Variants in PKP2 observed in about 807,000 individuals in gnomAD.
PKP2 encodes plakophilin-2.
PKP2 carries 73 observed loss-of-function variants against 83.4 expected under a neutral mutation model. The observed-to-expected ratio is 0.88, with a 90% CI of 0.72 to 1.06. The LOEUF (loss-of-function observed/expected upper bound fraction) is 1.06, where lower values mean the gene tolerates loss of function less well. Ranked by LOEUF, PKP2 falls within the 50% of genes least tolerant of loss-of-function variation. PKP2 has a pLI of 0.00. For missense variants in PKP2, 966 were observed against 1,065.4 expected (o/e 0.91, Z 1.30); for synonymous variants, 409 against 430.4 (o/e 0.95, Z 0.62).
intron 4 of PKP2, among the ~76,000 whole-genome samples, chr12:32,856,210 G>C (rs918488783): frequency 6.6e-6 from 1 of 152,116 alleles, no homozygotes; most frequent in Non-Finnish European, 1.5e-5. Context: ...ATGAAAATAA[G>C]ACCACGTTAA....
intron 5 of PKP2, among the ~76,000 whole-genome samples, chr12:32,842,639 T>C (rs111976398): frequency 0.04 from 6,096 of 152,304 alleles, 390 homozygotes; most frequent in African/African-American, 0.14. Flanking sequence ...CTTCCCTTTC[T>C]ACCCTATCCT....
chr12:32,850,938 C>T lies in PKP2; in HGVS notation c.1206G>A (p.Gln402=), dbSNP rs773905605. The change falls in exon 5 of 13, where the codon CAG becomes CAA. Residue 402 remains glutamine (Q), a synonymous_variant. Coordinates refer to ENST00000340811, the MANE Select transcript of PKP2 (RefSeq NM_001005242.3). The stretch of plus-strand genomic sequence containing the variant: ...CGTCTTCATTCTGAACTTTTAGGAG[C>T]TGCAGAAGCTTGAGGATGCCACGAA... ...NQLRGILKLL[Q]LLKVQNEDVQ... 1.5e-5 allele frequency: 24 copies of T among 1,614,118 alleles called. No homozygotes were observed. The South Asian group carries it at 2.6e-4, about 18-fold the overall frequency.
chr12:32,831,013 T>C (rs535845257), intron 6 of PKP2, among the ~76,000 whole-genome samples: 1 of 152,316 alleles, frequency 6.6e-6, no homozygotes, highest in East Asian at 1.9e-4. Flanking sequence ...TAGGCTACAT[T>C]AATTTCCTCT....
chr12:32,857,243 G>C (rs762559736), intron 4 of PKP2, among the ~76,000 whole-genome samples: 1 of 152,162 alleles, frequency 6.6e-6, no homozygotes, highest in Admixed American at 6.6e-5. Context: ...GGGCAATGCA[G>C]GGAGATCCCA....
chr12:32,859,452 C>CT (rs542294237), intron 4 of PKP2, among the ~76,000 whole-genome samples: 34 of 149,760 alleles, frequency 2.3e-4, no homozygotes, highest in Admixed American at 1.5e-3. Flanking sequence ...TTCTCAGTAA[C>CT]TTTTTTTTTT....
intron 9 of PKP2, among the ~76,000 whole-genome samples, chr12:32,814,820 G>A (rs1016901513): frequency 1.3e-5 from 2 of 152,034 alleles, no homozygotes; most frequent in African/African-American, 2.4e-5. Context: ...AGCTACTTGG[G>A]AGGCTGAGGT....
chr12:32,847,514 G>A (rs960263922), intron 5 of PKP2, among the ~76,000 whole-genome samples: 6 of 152,026 alleles, frequency 3.9e-5, no homozygotes, highest in Non-Finnish European at 8.8e-5. Context: ...GTGATTCAAT[G>A]GCTTGTTCCC....
At position 32,792,265 on chromosome 12, in the gene PKP2, C is replaced by G; in HGVS notation, c.*159G>C. On this transcript the variant is annotated 3_prime_UTR_variant, in exon 13 of 13. Transcript: ENST00000340811. ...ACTTGCAAAGGTCTTCTGGAAGACT[C>G]ATAAAATTATGTTCTATTTGTTTTC... is the stretch of plus-strand genomic sequence containing the variant. 1 of 695,768 alleles carries G rather than the reference C, an allele frequency of 1.4e-6. No individual in the cohort carries two copies. The highest frequency in any genetic ancestry group is 2.6e-6 in the Non-Finnish European group (1 of 380,928). 43.1% of individuals were successfully genotyped at this position (695,768 alleles called of 1,614,324 possible).
chr12:32,808,046 T>C (rs906463499), intron 9 of PKP2, among the ~76,000 whole-genome samples: 2 of 152,176 alleles, frequency 1.3e-5, no homozygotes, highest in Non-Finnish European at 2.9e-5. Context: ...GTTCTCTCCA[T>C]TTCCTGAATT....
Position 32,847,606 on chromosome 12 carries a change from C to T in PKP2, c.1378+3160G>A, listed in dbSNP as rs183624188. On this transcript the variant is annotated intron_variant, in intron 5 of 12. Coordinates refer to ENST00000340811, the MANE Select transcript of PKP2 (RefSeq NM_001005242.3). Reference sequence around the variant, plus strand: ...TACCAGGCACCCTAACTCCAAATCACGCTATTTTCCATGTCTCCTCTAAAT... The same window carrying T: ...TACCAGGCACCCTAACTCCAAATCATGCTATTTTCCATGTCTCCTCTAAAT... 2.8e-4 allele frequency among the ~76,000 whole-genome samples: 43 copies of T among 152,282 alleles called. No individual in the cohort carries two copies. The East Asian group carries it at 6.9e-3, about 25-fold the overall frequency.
intron 9 of PKP2, among the ~76,000 whole-genome samples, chr12:32,819,320 A>T (rs1956353604): frequency 6.7e-6 from 1 of 150,116 alleles, no homozygotes. Flanking sequence ...ATACAATAAA[A>T]TAAAATAAAA....
intron 1 of PKP2, among the ~76,000 whole-genome samples, chr12:32,888,792 CTCTT>C (rs1189634317): frequency 9.7e-6 from 1 of 103,254 alleles, no homozygotes; most frequent in Non-Finnish European, 2.4e-5. Context: ...TGCGCCCGGC[CTCTT>C]TTTTTTTTTT....
chr12:32,821,969 A>C (rs1169911112), intron 8 of PKP2, among the ~76,000 whole-genome samples: 1 of 152,208 alleles, frequency 6.6e-6, no homozygotes, highest in Non-Finnish European at 1.5e-5. Flanking sequence ...TACTCAGAGA[A>C]GGAGGGGAGG....
At position 32,805,242 on chromosome 12, in the gene PKP2, A is replaced by G. The variant is rs1347217187; in HGVS notation, c.2014-2686T>C. On this transcript the variant is annotated intron_variant, in intron 9 of 12. Transcript: ENST00000340811. ...AGATAGATTGTAAACATTTTCTCCC[A>G]TTTTGTAGGTTGTCTGTTCACTCTG... Among the ~76,000 whole-genome samples the G allele has an allele frequency of 2.6e-5, 4 of 151,206 alleles. No homozygotes were observed. The East Asian group carries it at 7.8e-4, about 29-fold the overall frequency.
chr12:32,886,297 C>T (rs565190469), intron 1 of PKP2, among the ~76,000 whole-genome samples: 1 of 152,280 alleles, frequency 6.6e-6, no homozygotes, highest in African/African-American at 2.4e-5. Context: ...TTTAACTTCT[C>T]CCATTACAGT....
chr12:32,888,689 C>T (rs1000544268), intron 1 of PKP2, among the ~76,000 whole-genome samples: 17 of 151,962 alleles, frequency 1.1e-4, no homozygotes, highest in African/African-American at 3.9e-4. Flanking sequence ...GACAGGGTTT[C>T]TCCATGTTGA....
intron 4 of PKP2, among the ~76,000 whole-genome samples, chr12:32,852,730 GGA>G (rs1956711255): frequency 1.3e-5 from 2 of 152,272 alleles, no homozygotes; most frequent in African/African-American, 4.8e-5. Flanking sequence ...GAGACAGATG[GGA>G]GAGTGGCCAC....
At chr12:32,798,122 T>C (rs1024320239) in intron 10 of PKP2, among the ~76,000 whole-genome samples, 2 of 149,546 alleles carry the variant, frequency 1.3e-5, no homozygotes, top group African/African-American at 4.9e-5. Flanking sequence ...TTCGCTCTTG[T>C]TGCCCAGGCT....
chr12:32,890,707 C>G (rs1179463651), intron 1 of PKP2, among the ~76,000 whole-genome samples: 1 of 151,978 alleles, frequency 6.6e-6, no homozygotes, highest in African/African-American at 2.4e-5. Flanking sequence ...GCCTGAGATC[C>G]CAGCACTTTG....
Sources: gnomAD v4.1 joint callset for allele counts (sites outside exome capture counted in the v4.1 genomes callset) on GRCh38, gnomAD v4.1.1 for gene constraint, MANE v1.5 for transcripts, NCBI Gene and HGNC (gene_info 2026-07-23, HGNC 2026-07-21) for gene names.